Variants in PCNX2 observed in about 807,000 individuals in gnomAD.
PCNX2 encodes the protein pecanex 2.
In PCNX2, 168 loss-of-function variants were observed where a neutral mutation model predicts 223.8. That is an observed-to-expected ratio of 0.75 (90% CI 0.66 to 0.85). PCNX2 has a LOEUF of 0.85. PCNX2 is among the 40% of genes least tolerant of loss of function. The pLI is 0.00. For synonymous variants in PCNX2, 1,006 were observed against 1,052.6 expected, an observed-to-expected ratio of 0.96 and a Z score of 0.86; for missense variants, 2,507 against 2,675.5, an observed-to-expected ratio of 0.94 and a Z score of 1.39.
chr1:233,284,197 T>C (rs137960801), intron 1 of PCNX2, among the ~76,000 whole-genome samples: 15 of 152,298 alleles, frequency 9.8e-5, no homozygotes, highest in African/African-American at 2.4e-4. Context: ...GAACGATATA[T>C]TAGACAATAC....
intron 1 of PCNX2, among the ~76,000 whole-genome samples, chr1:233,285,471 C>T (rs996866731): frequency 1.3e-5 from 2 of 151,828 alleles, no homozygotes; most frequent in South Asian, 2.1e-4. Flanking sequence ...GTCAGGAGTT[C>T]GAGACCAGCC....
chr1:232,984,543 A>G (rs1669397071), intron 33 of PCNX2, 66 bp from the exon 34 acceptor site: 1 of 1,530,092 alleles, frequency 6.5e-7, no homozygotes, highest in African/African-American at 1.4e-5. Context: ...TCTAACTGGC[A>G]TCACCCCCAT....
At chr1:233,092,922 C>A (rs1365906771) in intron 22 of PCNX2, among the ~76,000 whole-genome samples, 1 of 152,184 alleles carries the variant, frequency 6.6e-6, no homozygotes, top group East Asian at 1.9e-4. Flanking sequence ...CCTCAGCCTC[C>A]CCAGTAGCTG....
the PCNX2 span, among the ~76,000 whole-genome samples, chr1:233,321,081 C>T: frequency 1.6e-5 from 2 of 123,950 alleles, no homozygotes; most frequent in Non-Finnish European, 1.6e-5. Context: ...TGCAGTGGTG[C>T]GATCTCTGCT....
At chr1:233,196,837 G>C (rs960155381) in intron 15 of PCNX2, among the ~76,000 whole-genome samples, 8 of 152,310 alleles carry the variant, frequency 5.3e-5, no homozygotes, top group South Asian at 2.1e-4. Context: ...ATGTGATCTA[G>C]CAATCTCACT....
rs1359106354 is a variant in PCNX2, at chr1:233,200,265, C to G, written c.2864-1G>C. On this transcript the variant is annotated splice_acceptor_variant, in intron 13 of 33. Transcript: ENST00000258229. LOFTEE classifies it high-confidence loss of function. ...ATAGCAGGGAAGCAATATAAAAATA[C>G]TGAAAATGAACAAACAAAATTGACG... 3 of 1,556,368 alleles carry G rather than the reference C, an allele frequency of 1.9e-6. No homozygotes were observed. Among genetic ancestry groups the G allele is most frequent in the African/African-American group, 2.7e-5 (2 of 73,214 alleles).
In PCNX2 at chr1:233,000,375, A is replaced by G. The variant is rs764162700; in HGVS notation, c.5258T>C (p.Val1753Ala). The G allele has an allele frequency of 3.1e-6, 5 of 1,613,410 alleles. No individual in the cohort carries two copies. The South Asian group carries it at 5.5e-5, about 18-fold the overall frequency. Residue 1753 changes from valine (V) to alanine (A), a missense_variant, in exon 30 of 34, where the codon GTG becomes GCG. By Grantham distance (64) the Val-to-Ala change is moderately conservative. Transcript: ENST00000258229. The surrounding 1 kb of genome is among the most constrained non-coding windows in gnomAD (Gnocchi z 4.6). ...CTTGTACTCGTCGGCACCCTCGTCC[A>G]CCACGTGCCGCAGGGTGAGCAGCTC... ...KEELLTLRHV[V>A]DEGADEYKVI...
intron 21 of PCNX2, among the ~76,000 whole-genome samples, chr1:233,105,642 T>G (rs984234413): frequency 6.6e-6 from 1 of 152,100 alleles, no homozygotes; most frequent in East Asian, 1.9e-4. Context: ...ACAGAAACAA[T>G]GCAGGGATGA....
intron 23 of PCNX2, among the ~76,000 whole-genome samples, chr1:233,069,831 A>G (rs1672773382): frequency 6.6e-6 from 1 of 152,134 alleles, no homozygotes; most frequent in Admixed American, 6.5e-5. Context: ...AAAATCTAGA[A>G]AAAGAAGAGC....
intron 1 of PCNX2, among the ~76,000 whole-genome samples, chr1:233,285,316 T>C (rs936854375): frequency 6.6e-6 from 1 of 150,902 alleles, no homozygotes; most frequent in Admixed American, 6.6e-5. Flanking sequence ...TACGCCACTG[T>C]TCTCCAGCCT....
At position 233,263,257 on chromosome 1, in the gene PCNX2, T is replaced by TAAATTAGGCAAGATTTC. The variant is rs755823536; in HGVS notation, c.154-111_154-95dup. 1,701 of 1,033,840 alleles carry TAAATTAGGCAAGATTTC rather than the reference T, an allele frequency of 1.6e-3. 2 individuals are homozygous for TAAATTAGGCAAGATTTC. Among genetic ancestry groups the TAAATTAGGCAAGATTTC allele is most frequent in the Admixed American group, 2.0e-3 (63 of 31,732 alleles). 64.0% of individuals were successfully genotyped at this position (1,033,840 alleles called of 1,614,324 possible). ...GCATTTTTAGACTATCTATTGAATA[T>TAAATTAGGCAAGATTTC]AAATTAGGCAAGATTTCAAATTAGA... On this transcript the variant is annotated intron_variant, in intron 1 of 33. Coordinates refer to ENST00000258229, the MANE Select transcript of PCNX2 (RefSeq NM_014801.4).
chr1:233,240,610 G>A (rs1416275646), intron 8 of PCNX2, among the ~76,000 whole-genome samples: 1 of 152,118 alleles, frequency 6.6e-6, no homozygotes, highest in East Asian at 1.9e-4. Flanking sequence ...GTTTGGTTCA[G>A]GGCTATAGCA....
intron 23 of PCNX2, among the ~76,000 whole-genome samples, chr1:233,085,856 C>T (rs1673574845): frequency 6.6e-6 from 1 of 152,172 alleles, no homozygotes; most frequent in African/African-American, 2.4e-5. Context: ...ATTTCAGTCC[C>T]AGTCACCACC....
At chr1:233,251,400 C>T (rs560150552) in intron 7 of PCNX2, among the ~76,000 whole-genome samples, 11 of 152,322 alleles carry the variant, frequency 7.2e-5, no homozygotes, top group Non-Finnish European at 1.5e-4. Context: ...ATTAGCTCCA[C>T]TAAAGCAGTT....
rs371555569 is a variant in PCNX2, at chr1:233,216,648, A to G, written c.2691+1251T>C. On this transcript the variant is annotated intron_variant, in intron 12 of 33. Coordinates refer to ENST00000258229, the MANE Select transcript of PCNX2 (RefSeq NM_014801.4). The stretch of plus-strand genomic sequence containing the variant: ...AAAACAGTATGATTTCTCAAAAAGA[A>G]AATAAAAATAGAATTTTTAATTCTA... Among the ~76,000 whole-genome samples, 8 of 152,322 alleles carry G rather than the reference A, an allele frequency of 5.3e-5. No individual in the cohort carries two copies. In the East Asian group the frequency reaches 1.3e-3, roughly 26 times the overall value.
chr1:233,051,743 T>G (rs1304300687), intron 25 of PCNX2, among the ~76,000 whole-genome samples: 1 of 152,186 alleles, frequency 6.6e-6, no homozygotes, highest in Non-Finnish European at 1.5e-5. Context: ...TGTTGAGTCC[T>G]ATGAGCAGTA....
At chr1:233,079,938 C>T (rs931107863) in intron 23 of PCNX2, among the ~76,000 whole-genome samples, 3 of 152,190 alleles carry the variant, frequency 2.0e-5, no homozygotes, top group Non-Finnish European at 4.4e-5. Flanking sequence ...GAACAATATA[C>T]CTCTGGGACA....
At chr1:233,237,009 T>C (rs1214121080) in intron 8 of PCNX2, 29 bp from the exon 9 acceptor site, 60 of 1,612,828 alleles carry the variant, frequency 3.7e-5, no homozygotes, top group Non-Finnish European at 4.9e-5. Flanking sequence ...AAAGCTTTGG[T>C]TACCTGGTAA....
intron 17 of PCNX2, among the ~76,000 whole-genome samples, chr1:233,168,033 C>T (rs12033703): frequency 0.13 from 20,370 of 151,984 alleles, 1,520 homozygotes; most frequent in East Asian, 0.22. Context: ...ATCTAAAAAA[C>T]AAGAGTTTAA....
Sources: allele counts gnomAD v4.1 joint callset (sites outside exome capture counted in the v4.1 genomes callset), GRCh38; gene constraint gnomAD v4.1.1; non-coding constraint Gnocchi (gnomAD v3.1); transcripts MANE v1.5; gene names NCBI Gene and HGNC (gene_info 2026-07-23, HGNC 2026-07-21).